The following SPOPL variants were observed in gnomAD, a reference collection of about 807,000 sequenced individuals.
SPOPL encodes speckle-type POZ protein-like.
Under a neutral mutation model 53.8 loss-of-function variants are expected in SPOPL, and 23 were observed. That is an observed-to-expected ratio of 0.43 (90% CI 0.31 to 0.61). The LOEUF (loss-of-function observed/expected upper bound fraction) is 0.61, where lower values mean the gene tolerates loss of function less well. Among genes scored for constraint, SPOPL ranks in the 20% least tolerant of loss-of-function variants. The pLI, the probability that SPOPL is intolerant of heterozygous loss-of-function variation, is 0.12. For missense variants in SPOPL, 442 were observed against 466.9 expected, an observed-to-expected ratio of 0.95 and a Z score of 0.49; for synonymous variants, 164 against 149.7, an observed-to-expected ratio of 1.10 and a Z score of -0.70.
At chr2:138,567,213 G>C (rs1470371883) in intron 10 of SPOPL, among the ~76,000 whole-genome samples, 1 of 152,116 alleles carries the variant, frequency 6.6e-6, no homozygotes, top group Non-Finnish European at 1.5e-5. Flanking sequence ...GGAGCATATA[G>C]CAGAGACTTA....
At chr2:138,536,016 T>A (rs1193698042) in intron 1 of SPOPL, among the ~76,000 whole-genome samples, 2 of 152,144 alleles carry the variant, frequency 1.3e-5, no homozygotes, top group Non-Finnish European at 2.9e-5. Context: ...CATTCTTTAT[T>A]TTTTTTGTGT....
In SPOPL at chr2:138,534,262, G is replaced by A. The variant is rs138016198; in HGVS notation, c.-60-15895G>A. On this transcript the variant is annotated intron_variant, in intron 1 of 10. Transcript: ENST00000280098. ...GCATCTGAGGATTCAACCAACTGTGGATCAAAAATATATGGGAAAAAAAAT... is the reference window on the plus strand; with the variant it reads ...GCATCTGAGGATTCAACCAACTGTGAATCAAAAATATATGGGAAAAAAAAT... Among the ~76,000 whole-genome samples, 10 of 151,830 alleles carry A rather than the reference G, an allele frequency of 6.6e-5. No homozygotes were observed. In the East Asian group the frequency reaches 1.5e-3, roughly 23 times the overall value.
chr2:138,561,559 T>C lies in SPOPL; in HGVS notation c.837+632T>C, dbSNP rs149001645. Among the ~76,000 whole-genome samples the C allele has an allele frequency of 1.9e-3, 287 of 152,314 alleles. 2 individuals carry two copies. Among genetic ancestry groups the C allele is most frequent in the African/African-American group, 6.5e-3 (271 of 41,560 alleles). On this transcript the variant is annotated intron_variant, in intron 8 of 10. Transcript: ENST00000280098. ...TCGATGGATGGTATGTGTGTATATA[T>C]ACACATCATTTGAAAAATGTTACCA...
Position 138,511,252 on chromosome 2 carries a change from T to C in SPOPL, c.-61+9133T>C, listed in dbSNP as rs192653747. Among the ~76,000 whole-genome samples, 178 of 152,338 alleles carry C rather than the reference T, an allele frequency of 1.2e-3. 1 individual carries two copies. Among genetic ancestry groups the C allele is most frequent in the African/African-American group, 4.1e-3 (172 of 41,586 alleles). On this transcript the variant is annotated intron_variant, in intron 1 of 10. Coordinates refer to ENST00000280098, the MANE Select transcript of SPOPL (RefSeq NM_001001664.3). ...TCTCAAGTGTCTGATTTATTTTTAC[T>C]GTTGTCTCTCTGCCTCTCCCTACCC... is the stretch of plus-strand genomic sequence containing the variant.
chr2:138,529,517 T>C (rs1485033706), intron 1 of SPOPL, among the ~76,000 whole-genome samples: 27 of 147,730 alleles, frequency 1.8e-4, no homozygotes, highest in African/African-American at 6.4e-4. Flanking sequence ...TGTGTGTGTG[T>C]GTGTGTGTGT....
At chr2:138,507,858 G>A (rs1684248023) in intron 1 of SPOPL, among the ~76,000 whole-genome samples, 2 of 151,896 alleles carry the variant, frequency 1.3e-5, no homozygotes, top group Admixed American at 1.3e-4. Context: ...TTTTATTTTT[G>A]CTAGTTAGCT....
At chr2:138,561,317 TAGAG>T (rs977788312) in intron 8 of SPOPL, among the ~76,000 whole-genome samples, 21 of 152,306 alleles carry the variant, frequency 1.4e-4, no homozygotes, top group East Asian at 3.9e-4. Flanking sequence ...TCTCTCCACA[TAGAG>T]ATTGTTTTTT....
intron 1 of SPOPL, among the ~76,000 whole-genome samples, chr2:138,519,520 T>G (rs1684512299): frequency 6.6e-6 from 1 of 152,100 alleles, no homozygotes; most frequent in African/African-American, 2.4e-5. Context: ...CTTAACAGGT[T>G]TGTCTAGAGG....
chr2:138,521,022 T>C (rs1161234152), intron 1 of SPOPL, among the ~76,000 whole-genome samples: 2 of 152,192 alleles, frequency 1.3e-5, no homozygotes, highest in Non-Finnish European at 2.9e-5. Context: ...CATATAAATG[T>C]AGTTGTTTGC....
intron 1 of SPOPL, among the ~76,000 whole-genome samples, chr2:138,527,953 G>A (rs550036040): frequency 1.0e-3 from 155 of 152,326 alleles, no homozygotes; most frequent in Middle Eastern, 3.4e-3. Flanking sequence ...TCAAAGTAAG[G>A]AGGGCTTTAT....
intron 10 of SPOPL, among the ~76,000 whole-genome samples, chr2:138,565,425 A>G (rs1288802462): frequency 2.6e-5 from 4 of 152,198 alleles, no homozygotes; most frequent in African/African-American, 4.8e-5. Flanking sequence ...AATATGCTAT[A>G]TTAGGCTAGC....
At chr2:138,512,288 G>C (rs1684340857) in intron 1 of SPOPL, among the ~76,000 whole-genome samples, 1 of 152,162 alleles carries the variant, frequency 6.6e-6, no homozygotes, top group East Asian at 1.9e-4. Flanking sequence ...ACTGTATAAA[G>C]TTTTAGCTGA....
chr2:138,509,116 A>G (rs1684274591), intron 1 of SPOPL, among the ~76,000 whole-genome samples: 1 of 152,144 alleles, frequency 6.6e-6, no homozygotes, highest in Non-Finnish European at 1.5e-5. Flanking sequence ...TTTGCACCTC[A>G]AACCATGGTT....
intron 1 of SPOPL, among the ~76,000 whole-genome samples, chr2:138,505,594 T>TA (rs1169614974): frequency 0.036 from 2,677 of 75,058 alleles, 316 homozygotes; most frequent in African/African-American, 0.13. Flanking sequence ...GTGTCTCTTC[T>TA]AAAAAAAAAA....
rs560348136 is a variant in SPOPL at position 138,505,499 on chromosome 2, A to G, written c.-61+3380A>G. On this transcript the variant is annotated intron_variant, in intron 1 of 10. Coordinates refer to ENST00000280098, the MANE Select transcript of SPOPL (RefSeq NM_001001664.3). The stretch of plus-strand genomic sequence containing the variant: ...AGGCCAGGTGCCTTGGCTCATACCT[A>G]TAATCCCAGCACTTTGGGAGGTCGA... 1.3e-3 allele frequency among the ~76,000 whole-genome samples: 195 copies of G among 151,114 alleles called. 1 individual carries two copies. Among genetic ancestry groups the G allele is most frequent in the Non-Finnish European group, 2.4e-3 (166 of 67,874 alleles).
intron 1 of SPOPL, among the ~76,000 whole-genome samples, chr2:138,528,275 C>T (rs562482051): frequency 6.6e-6 from 1 of 152,332 alleles, no homozygotes; most frequent in Admixed American, 6.5e-5. Context: ...AGGCTTGCCA[C>T]TTGGCCTTTT....
At chr2:138,515,748 T>G (rs775298458) in intron 1 of SPOPL, among the ~76,000 whole-genome samples, 1 of 152,194 alleles carries the variant, frequency 6.6e-6, no homozygotes, top group East Asian at 1.9e-4. Context: ...TTTTAAGATA[T>G]GCACATCGAC....
At chr2:138,563,330 T>G (rs1043158937) in intron 8 of SPOPL, among the ~76,000 whole-genome samples, 6 of 151,988 alleles carry the variant, frequency 3.9e-5, no homozygotes, top group Non-Finnish European at 8.8e-5. Flanking sequence ...AAAATTTTTT[T>G]AATTAGCCTG....
At chr2:138,519,744 A>T (rs1684517737) in intron 1 of SPOPL, among the ~76,000 whole-genome samples, 2 of 152,186 alleles carry the variant, frequency 1.3e-5, no homozygotes, top group African/African-American at 4.8e-5. Flanking sequence ...GTGAGCCATG[A>T]TCATGCCACT....
Sources: gnomAD v4.1 joint callset for allele counts (sites outside exome capture counted in the v4.1 genomes callset) on GRCh38, gnomAD v4.1.1 for gene constraint, MANE v1.5 for transcripts, NCBI Gene and HGNC (gene_info 2026-07-23, HGNC 2026-07-21) for gene names.